INSL6: variants seen among roughly 807,000 people sequenced by gnomAD.
INSL6 encodes the protein insulin like 6.
A neutral mutation model predicts 9.4 loss-of-function variants in INSL6; 16 were observed. The observed-to-expected ratio is 1.70, with a 90% CI of 1.15 to 2.59. INSL6 has a LOEUF of 2.59. INSL6 is among the 30% of genes most tolerant of loss of function. The probability of loss-of-function intolerance (pLI) is 0.00; values close to 1 mark genes in which losing one functional copy is unlikely to be tolerated. For synonymous variants in INSL6, 154 were observed against 96.9 expected, an observed-to-expected ratio of 1.59 and a Z score of -3.46; for missense variants, 391 against 257.3, an observed-to-expected ratio of 1.52 and a Z score of -3.56.
chr9:5,005,463 G>T, the INSL6 span, among the ~76,000 whole-genome samples: 2 of 151,848 alleles, frequency 1.3e-5, no homozygotes, highest in Non-Finnish European at 2.9e-5. Context: ...TTTTAAATCT[G>T]GTATAATGAT....
chr9:5,082,961 G>A, the INSL6 span, among the ~76,000 whole-genome samples: 839 of 152,274 alleles, frequency 5.5e-3, 7 homozygotes, highest in African/African-American at 0.019. Flanking sequence ...TTTCTACATA[G>A]ACACAGTAAC....
At chr9:5,055,624 C>T in the INSL6 span, 3 of 1,446,356 alleles carry the variant, frequency 2.1e-6, no homozygotes, top group South Asian at 1.2e-5. Flanking sequence ...TAAAATGGCT[C>T]TGTAAATTCT....
the INSL6 span, chr9:5,086,171 G>A: frequency 2.5e-6 from 1 of 406,512 alleles, no homozygotes; most frequent in Non-Finnish European, 3.6e-6. Context: ...TCTCCACGCC[G>A]CCGGTCTCCA....
At chr9:5,096,845 C>A in the INSL6 span, 1 of 152,064 alleles carries the variant, frequency 6.6e-6, no homozygotes, top group African/African-American at 2.4e-5. Flanking sequence ...TTGTTACCGC[C>A]CACGAATTTG....
chr9:5,046,105 G>C, the INSL6 span, among the ~76,000 whole-genome samples: 1 of 152,102 alleles, frequency 6.6e-6, no homozygotes, highest in Non-Finnish European at 1.5e-5. Context: ...TTGTGATTTT[G>C]ATGCATACTT....
At chr9:5,166,660 A>G (rs977969927) in intron 1 of INSL6, among the ~76,000 whole-genome samples, 2 of 152,308 alleles carry the variant, frequency 1.3e-5, no homozygotes, top group East Asian at 3.9e-4. Context: ...CAAAGAAATG[A>G]AAAGGGTAGT....
the INSL6 span, chr9:5,065,173 T>A: frequency 2.1e-6 from 1 of 475,328 alleles, no homozygotes; most frequent in Non-Finnish European, 3.6e-6. Context: ...AAAGGCTATT[T>A]GCAATCAGAT....
chr9:5,020,887 G>A, the INSL6 span, among the ~76,000 whole-genome samples: 1 of 152,140 alleles, frequency 6.6e-6, no homozygotes, highest in Non-Finnish European at 1.5e-5. Context: ...AGGCATTCTG[G>A]TGTGGGTTGG....
the INSL6 span, among the ~76,000 whole-genome samples, chr9:5,028,530 T>A: frequency 6.6e-6 from 1 of 152,226 alleles, no homozygotes; most frequent in Non-Finnish European, 1.5e-5. Context: ...TTCAGTTCTT[T>A]GAAACTTTGA....
chr9:5,096,529 G>C, the INSL6 span: 1 of 152,122 alleles, frequency 6.6e-6, no homozygotes, highest in Non-Finnish European at 1.5e-5. Flanking sequence ...AGAAGCCCTG[G>C]CAGCATTGAA....
intron 1 of INSL6, among the ~76,000 whole-genome samples, chr9:5,176,836 T>C (rs1053462257): frequency 3.9e-5 from 6 of 152,144 alleles, no homozygotes; most frequent in Non-Finnish European, 8.8e-5. Context: ...TTCAGCATGG[T>C]TGCTGGATAA....
At chr9:5,072,776 A>G in the INSL6 span, 4 of 465,506 alleles carry the variant, frequency 8.6e-6, no homozygotes, top group Non-Finnish European at 1.4e-5. Context: ...TTGTGGGGCT[A>G]TAGAATTACA....
At chr9:5,060,030 G>A in the INSL6 span, among the ~76,000 whole-genome samples, 2 of 152,148 alleles carry the variant, frequency 1.3e-5, no homozygotes, top group Non-Finnish European at 2.9e-5. Context: ...ATTTTGCAAT[G>A]AAGTGAGTCA....
the INSL6 span, among the ~76,000 whole-genome samples, chr9:5,093,680 C>T: frequency 6.6e-5 from 10 of 152,084 alleles, no homozygotes; most frequent in African/African-American, 1.2e-4. Context: ...GTAGTCTAAG[C>T]GAGTTAATAC....
At chr9:4,993,228 C>G in the INSL6 span, among the ~76,000 whole-genome samples, 2 of 152,172 alleles carry the variant, frequency 1.3e-5, no homozygotes, top group African/African-American at 4.8e-5. Flanking sequence ...GGACAACACC[C>G]TTAAGATCCT....
At chr9:5,006,608 A>G in the INSL6 span, among the ~76,000 whole-genome samples, 1 of 152,162 alleles carries the variant, frequency 6.6e-6, no homozygotes, top group Admixed American at 6.5e-5. Flanking sequence ...GAAGGGGAAA[A>G]AAGTACATCT....
intron 2 of INSL6, among the ~76,000 whole-genome samples, chr9:5,144,003 C>T (rs1824552492): frequency 6.6e-6 from 1 of 152,208 alleles, no homozygotes; most frequent in African/African-American, 2.4e-5. Flanking sequence ...GTATCTCCTT[C>T]AGTTTAGCTC....
At chr9:5,013,235 A>C in the INSL6 span, among the ~76,000 whole-genome samples, 1 of 152,130 alleles carries the variant, frequency 6.6e-6, no homozygotes, top group Non-Finnish European at 1.5e-5. Context: ...AAAAAATAGG[A>C]GTGGTCTTTA....
chr9:5,060,608 C>G, the INSL6 span, among the ~76,000 whole-genome samples: 1 of 152,238 alleles, frequency 6.6e-6, no homozygotes. Context: ...TTCAGCTCTA[C>G]TTCTAATTCT....
Sources: allele counts gnomAD v4.1 joint callset (sites outside exome capture counted in the v4.1 genomes callset), GRCh38; gene constraint gnomAD v4.1.1; transcripts MANE v1.5; gene names NCBI Gene and HGNC (gene_info 2026-07-23, HGNC 2026-07-21).